PLPP1: variants seen among roughly 807,000 people sequenced by gnomAD.
PLPP1 encodes lipid phosphate phosphohydrolase 1a.
A neutral mutation model predicts 31.2 loss-of-function variants in PLPP1; 24 were observed. The observed-to-expected ratio is 0.77, with a 90% confidence interval of 0.56 to 1.08. The LOEUF (loss-of-function observed/expected upper bound fraction) is 1.08. Among genes scored for constraint, PLPP1 ranks in the 50% least tolerant of loss-of-function variants. PLPP1 has a pLI of 0.00. For missense variants in PLPP1, 319 were observed against 342.7 expected (o/e 0.93, Z 0.55); for synonymous variants, 146 against 126.3 (o/e 1.16, Z -1.05).
intron 4 of PLPP1, among the ~76,000 whole-genome samples, chr5:55,437,472 A>G (rs1751519999): frequency 7.3e-6 from 1 of 136,350 alleles, no homozygotes; most frequent in Admixed American, 7.5e-5. Context: ...TGTTTTTTCA[A>G]AAAAGAATAT....
chr5:55,476,544 G>T (rs1427261489), intron 1 of PLPP1, among the ~76,000 whole-genome samples: 1 of 152,110 alleles, frequency 6.6e-6, no homozygotes, highest in Non-Finnish European at 1.5e-5. Flanking sequence ...GTACTGTGTT[G>T]TAAGAGATGC....
intron 3 of PLPP1, among the ~76,000 whole-genome samples, chr5:55,465,466 G>A (rs761617155): frequency 5.3e-5 from 8 of 152,266 alleles, no homozygotes; most frequent in East Asian, 1.9e-4. Context: ...AAATCGGGGC[G>A]TCCAATCTTT....
At chr5:55,449,959 AAATAT>A (rs1396832260) in intron 3 of PLPP1, among the ~76,000 whole-genome samples, 18 of 151,426 alleles carry the variant, frequency 1.2e-4, no homozygotes, top group Non-Finnish European at 2.1e-4. Context: ...AAATTAACTA[AAATAT>A]AATATAACAA....
At chr5:55,440,458 G>T (rs944596329) in intron 4 of PLPP1, among the ~76,000 whole-genome samples, 6 of 152,160 alleles carry the variant, frequency 3.9e-5, no homozygotes, top group African/African-American at 1.4e-4. Context: ...TTTCTAATAT[G>T]ATAAATGAAC....
chr5:55,455,277 T>C (rs112621415), intron 3 of PLPP1, among the ~76,000 whole-genome samples: 1,543 of 152,180 alleles, frequency 0.01, 22 homozygotes, highest in African/African-American at 0.036. Flanking sequence ...ATAGTTTCCA[T>C]ACTGTACTAT....
chr5:55,428,703 C>T (rs1422208292), intron 4 of PLPP1, among the ~76,000 whole-genome samples: 1 of 152,206 alleles, frequency 6.6e-6, no homozygotes, highest in East Asian at 1.9e-4. Context: ...GGGGACACAG[C>T]TCATGCTTCA....
At chr5:55,459,944 T>G (rs966548835) in intron 3 of PLPP1, among the ~76,000 whole-genome samples, 30 of 152,176 alleles carry the variant, frequency 2.0e-4, no homozygotes, top group Admixed American at 5.2e-4. Flanking sequence ...AGATACATAT[T>G]TTTGTCTTCA....
intron 4 of PLPP1, 148 bp from the exon 5 acceptor site, chr5:55,426,187 A>G (rs772773394): frequency 4.4e-6 from 3 of 678,494 alleles, no homozygotes; most frequent in Non-Finnish European, 7.1e-6. Flanking sequence ...ACGCATTATT[A>G]CCTAAATGTT....
intron 1 of PLPP1, among the ~76,000 whole-genome samples, chr5:55,486,373 T>C (rs1752775239): frequency 6.6e-6 from 1 of 151,754 alleles, no homozygotes; most frequent in Non-Finnish European, 1.5e-5. Flanking sequence ...TTGCTTGAGG[T>C]CAGGAGTTCA....
intron 1 of PLPP1, among the ~76,000 whole-genome samples, chr5:55,500,776 T>C (rs1388905471): frequency 6.6e-6 from 1 of 152,078 alleles, no homozygotes. Flanking sequence ...ATGAGAGATG[T>C]TAAGGGCCTG....
intron 1 of PLPP1, among the ~76,000 whole-genome samples, chr5:55,533,929 T>C (rs1451927247): frequency 1.3e-5 from 2 of 152,068 alleles, no homozygotes; most frequent in Admixed American, 6.5e-5. Context: ...CTTGAGACAC[T>C]GTCACAAGAG....
intron 1 of PLPP1, among the ~76,000 whole-genome samples, chr5:55,482,693 A>C (rs1487995173): frequency 6.6e-6 from 1 of 152,144 alleles, no homozygotes; most frequent in Non-Finnish European, 1.5e-5. Flanking sequence ...TTGCCATAAA[A>C]CCTAACCAAC....
intron 1 of PLPP1, among the ~76,000 whole-genome samples, chr5:55,524,265 A>T (rs1000131458): frequency 6.6e-6 from 1 of 150,928 alleles, no homozygotes; most frequent in Non-Finnish European, 1.5e-5. Context: ...CAATGAGCTT[A>T]AAAAAAAATT....
intron 3 of PLPP1, among the ~76,000 whole-genome samples, chr5:55,456,814 T>C (rs998551897): frequency 1.3e-5 from 2 of 152,188 alleles, no homozygotes; most frequent in African/African-American, 4.8e-5. Flanking sequence ...TATATTTGAT[T>C]TTCCTTGCTC....
At chr5:55,466,570 G>A (rs931087202) in intron 3 of PLPP1, among the ~76,000 whole-genome samples, 2 of 151,996 alleles carry the variant, frequency 1.3e-5, no homozygotes, top group Admixed American at 6.6e-5. Context: ...GGGCATGGTG[G>A]CACGTGCCTG....
At position 55,482,589 on chromosome 5, in the gene PLPP1, C is replaced by T. The variant is rs375661184; in HGVS notation, c.59-7139G>A. ...CACAGCGCCTATGTCCCCATGAAAA[C>T]AAGGGAGAAATGACAAACAAATGTG... On this transcript the variant is annotated intron_variant, in intron 1 of 5. Transcript: ENST00000307259. Among the ~76,000 whole-genome samples, 9 of 152,130 alleles carry T rather than the reference C, an allele frequency of 5.9e-5. 2 individuals carry two copies. Among genetic ancestry groups the T allele is most frequent in the Admixed American group, 1.3e-4 (2 of 15,266 alleles).
At chr5:55,441,754 ACTGG>A in intron 4 of PLPP1, 93 bp downstream of exon 4, 2 of 1,271,976 alleles carry the variant, frequency 1.6e-6, no homozygotes, top group Non-Finnish European at 2.3e-6. Context: ...ACCTTTTGCT[ACTGG>A]CTAATTTATT....
chr5:55,525,406 C>T (rs1302693906), intron 1 of PLPP1, among the ~76,000 whole-genome samples: 1 of 152,182 alleles, frequency 6.6e-6, no homozygotes, highest in Non-Finnish European at 1.5e-5. Flanking sequence ...ATCCACAGTC[C>T]ATCACTAGAC....
At chr5:55,520,468 T>A (rs965678601) in intron 1 of PLPP1, among the ~76,000 whole-genome samples, 6 of 152,188 alleles carry the variant, frequency 3.9e-5, no homozygotes, top group Admixed American at 2.6e-4. Context: ...AGCAAAAATA[T>A]TTGAGTGCCT....
Sources: allele counts gnomAD v4.1 joint callset (sites outside exome capture counted in the v4.1 genomes callset), GRCh38; gene constraint gnomAD v4.1.1; transcripts MANE v1.5; gene names NCBI Gene and HGNC (gene_info 2026-07-23, HGNC 2026-07-21).